The following SUCO variants were observed in gnomAD, a reference collection of about 807,000 sequenced individuals.
SUCO encodes SUN domain containing ossification factor.
In SUCO, 57 loss-of-function variants were observed where a neutral mutation model predicts 148.1. That is an observed-to-expected ratio of 0.38 (90% CI 0.31 to 0.48). The LOEUF (loss-of-function observed/expected upper bound fraction) is 0.48, where lower values mean the gene tolerates loss of function less well. Ranked by LOEUF, SUCO falls within the 20% of genes least tolerant of loss-of-function variation. The pLI is 0.96. For missense variants in SUCO, 1,331 were observed against 1,468.2 expected, an observed-to-expected ratio of 0.91 and a Z score of 1.53; for synonymous variants, 470 against 502.7, an observed-to-expected ratio of 0.93 and a Z score of 0.87.
At chr1:172,590,326 T>A in intron 18 of SUCO, 2 of 985,128 alleles carry the variant, frequency 2.0e-6, no homozygotes, top group Non-Finnish European at 2.4e-6. Flanking sequence ...AGAGTTTAGA[T>A]AAGTGAAGAC....
In SUCO at chr1:172,589,589, A is replaced by G. The variant is rs941450728; in HGVS notation, c.2488A>G (p.Thr830Ala). The change falls in exon 18 of 24, where the codon ACA (threonine) becomes GCA (alanine). Residue 830 changes from threonine (T) to alanine (A), a missense_variant. Thr to Ala is a moderately conservative substitution (Grantham distance 58). Transcript: ENST00000263688. ...TGAAACAATAGTGCCACCAATAAAT[A>G]CAGCCACTGTACCCGACAATGAAGA... ...LSETIVPPIN[T>A]ATVPDNEDGE... The G allele has an allele frequency of 6.2e-7, 1 of 1,613,818 alleles. No individual in the cohort carries two copies. Among genetic ancestry groups the G allele is most frequent in the Non-Finnish European group, 8.5e-7 (1 of 1,179,862 alleles).
intron 9 of SUCO, among the ~76,000 whole-genome samples, chr1:172,572,127 C>T (rs1205473534): frequency 3.8e-5 from 5 of 131,620 alleles, no homozygotes; most frequent in East Asian, 2.3e-4. Context: ...AGGTGAGGGG[C>T]GCCTCTGCCC....
intron 6 of SUCO, among the ~76,000 whole-genome samples, chr1:172,564,833 C>G (rs1437726544): frequency 6.6e-6 from 1 of 152,178 alleles, no homozygotes; most frequent in East Asian, 1.9e-4. Flanking sequence ...CTTTATGTCT[C>G]TCTTTTCTAC....
rs1654840109 is a variant in SUCO, at chr1:172,570,078, T to A, written c.888T>A (p.Gly296=). Reference sequence around the variant, plus strand: ...CGATGCATGCATCTTCTAATGGAGGTTCACATGCCACCAAAAAGGTCCAGA... The same window carrying A: ...CGATGCATGCATCTTCTAATGGAGGATCACATGCCACCAAAAAGGTCCAGA... ...SQSMHASSNG[G]SHATKKVQKN... is the part of the protein sequence containing the mutation. Residue 296 remains glycine (G), a synonymous_variant, in exon 8 of 24, where the codon GGT becomes GGA. Coordinates refer to ENST00000263688, the MANE Select transcript of SUCO (RefSeq NM_014283.5). 6.3e-7 allele frequency: 1 copy of A among 1,586,276 alleles called. No individual in the cohort carries two copies. The highest frequency in any genetic ancestry group is 8.6e-7 in the Non-Finnish European group (1 of 1,163,906).
intron 6 of SUCO, chr1:172,568,382 T>C: frequency 1.1e-6 from 1 of 943,466 alleles, no homozygotes; most frequent in Non-Finnish European, 1.3e-6. Flanking sequence ...ACTGAATGTA[T>C]TGCAGATACT....
chr1:172,596,585 A>C (rs535924347), intron 19 of SUCO, among the ~76,000 whole-genome samples: 88 of 152,300 alleles, frequency 5.8e-4, no homozygotes, highest in African/African-American at 2.0e-3. Flanking sequence ...TCACCAGTGG[A>C]GGCTGCAGAA....
chr1:172,569,572 G>C (rs941290429), intron 7 of SUCO: 3 of 904,964 alleles, frequency 3.3e-6, no homozygotes, highest in Non-Finnish European at 4.0e-6. Context: ...TTATGAGGCA[G>C]AGGAGGGTGA....
chr1:172,550,846 TC>T, intron 1 of SUCO: 1 of 946,762 alleles, frequency 1.1e-6, no homozygotes, highest in Non-Finnish European at 1.3e-6. Flanking sequence ...AACATATTTT[TC>T]CTTGATATTT....
intron 6 of SUCO, among the ~76,000 whole-genome samples, chr1:172,561,596 C>A (rs73034015): frequency 0.014 from 2,175 of 152,282 alleles, 55 homozygotes; most frequent in African/African-American, 0.049. Flanking sequence ...ATGGCCTCTA[C>A]ACCCAATAAG....
chr1:172,580,228 A>G (rs1655786087), intron 15 of SUCO, among the ~76,000 whole-genome samples: 2 of 151,848 alleles, frequency 1.3e-5, no homozygotes, highest in South Asian at 4.2e-4. Context: ...TTCCCCCTCC[A>G]TAGAAGAGTA....
chr1:172,557,917 C>T, intron 6 of SUCO, 123 bp downstream of exon 6: 2 of 735,896 alleles, frequency 2.7e-6, no homozygotes, highest in Non-Finnish European at 4.3e-6. Context: ...TAGACAATAA[C>T]ATGTGGAACT....
chr1:172,568,903 T>C (rs1654747619), intron 6 of SUCO, 116 bp from the exon 7 acceptor site: 2 of 998,484 alleles, frequency 2.0e-6, no homozygotes, highest in Non-Finnish European at 2.8e-6. Context: ...TTTCAAAATA[T>C]AATCATTCAT....
intron 19 of SUCO, among the ~76,000 whole-genome samples, chr1:172,599,026 A>G (rs1338843114): frequency 6.6e-6 from 1 of 152,208 alleles, no homozygotes; most frequent in African/African-American, 2.4e-5. Context: ...ATAAATAGCT[A>G]TGTAGATATT....
At chr1:172,597,694 A>T (rs898796944) in intron 19 of SUCO, among the ~76,000 whole-genome samples, 16 of 152,072 alleles carry the variant, frequency 1.1e-4, no homozygotes, top group African/African-American at 3.6e-4. Context: ...ATTTTAAGGG[A>T]ACTATTCTAG....
intron 1 of SUCO, chr1:172,543,019 A>G (rs1652596779): frequency 2.0e-6 from 2 of 984,938 alleles, no homozygotes; most frequent in Non-Finnish European, 2.4e-6. Flanking sequence ...TTTGGTAGCC[A>G]GGAGATGTAG....
intron 10 of SUCO, chr1:172,574,977 A>AT (rs1220433487): frequency 7.5e-6 from 6 of 802,106 alleles, no homozygotes; most frequent in African/African-American, 1.9e-5. Context: ...AGTAAAGTGT[A>AT]TTTTTTTAAC....
Position 172,533,243 on chromosome 1 carries a change from C to T in SUCO, c.-193C>T. 1 of 1,547,334 alleles carries T rather than the reference C, an allele frequency of 6.5e-7. No individual in the cohort carries two copies. The highest frequency in any genetic ancestry group is 8.7e-7 in the Non-Finnish European group (1 of 1,146,266). On this transcript the variant is annotated 5_prime_UTR_variant, in exon 1 of 24. Transcript: ENST00000263688. The stretch of plus-strand genomic sequence containing the variant: ...CGGAGTCCTGTGAAGCGCCCCTGTC[C>T]GCGCCTCTGTGGGGCCCTCAGAGAG...
At chr1:172,532,682 C>G (rs1243079628), upstream of SUCO, 1 of 1,614,034 alleles carries the variant, frequency 6.2e-7, no homozygotes, top group Non-Finnish European at 8.5e-7. Context: ...AAACTATAGA[C>G]TTCTCTAACA....
At chr1:172,590,337 A>G in intron 18 of SUCO, 1 of 985,286 alleles carries the variant, frequency 1.0e-6, no homozygotes, top group Non-Finnish European at 1.2e-6. Context: ...AAGTGAAGAC[A>G]GAGATGGACT....
Sources: allele counts gnomAD v4.1 joint callset (sites outside exome capture counted in the v4.1 genomes callset), GRCh38; gene constraint gnomAD v4.1.1; transcripts MANE v1.5; gene names NCBI Gene and HGNC (gene_info 2026-07-23, HGNC 2026-07-21).